FERMT2: variants seen among roughly 807,000 people sequenced by gnomAD.
FERMT2 encodes fermitin family homolog 2.
FERMT2 carries 15 observed loss-of-function variants against 82.7 expected under a neutral mutation model. The observed-to-expected ratio is 0.18, with a 90% CI of 0.12 to 0.28. FERMT2 has a LOEUF of 0.28. FERMT2 is among the 10% of genes least tolerant of loss of function. FERMT2 has a pLI of 1.00. For synonymous variants in FERMT2, 274 were observed against 271.5 expected (o/e 1.01, Z -0.09); for missense variants, 645 against 809.4 (o/e 0.80, Z 2.46).
At chr14:52,938,086 A>G (rs1425938427) in intron 2 of FERMT2, among the ~76,000 whole-genome samples, 2 of 152,230 alleles carry the variant, frequency 1.3e-5, no homozygotes, top group African/African-American at 4.8e-5. Flanking sequence ...AACGTGGCAC[A>G]GGGTCACAAA....
intron 7 of FERMT2, among the ~76,000 whole-genome samples, chr14:52,875,824 C>T (rs758538157): frequency 3.9e-5 from 6 of 152,090 alleles, no homozygotes; most frequent in Non-Finnish European, 8.8e-5. Flanking sequence ...ATTATTATGT[C>T]GAAAGCTAAA....
chr14:52,864,606 T>C lies in FERMT2; in HGVS notation c.1397A>G (p.His466Arg), dbSNP rs1885158827. The change falls in exon 12 of 15, where the codon CAC (histidine) becomes CGC (arginine). Residue 466 changes from histidine (H) to arginine (R), a missense_variant. His to Arg is a conservative substitution (Grantham distance 29). Transcript: ENST00000341590. The part of the protein sequence containing the change: ...LRCDNEKQYA[H>R]WMAACRLASK... The stretch of plus-strand genomic sequence containing the variant: ...GGCTAATCTGCAGGCTGCCATCCAG[T>C]GTGCATACTGTTTTTCCTGGAGAAA... 2 of 1,613,934 alleles carry C rather than the reference T, an allele frequency of 1.2e-6. No homozygotes were observed. Among genetic ancestry groups the C allele is most frequent in the Non-Finnish European group, 8.5e-7 (1 of 1,179,882 alleles).
In FERMT2 at chr14:52,864,806, T is replaced by C. The variant is rs1249110474; in HGVS notation, c.1321A>G (p.Ile441Val). ...TCTGCAACTGGAATCAGGAGTTTAA[T>C]GTTAAATTTTTGGCCTGAAATGTTT... is the stretch of plus-strand genomic sequence containing the variant. ...DVNISGQKFN[I>V]KLLIPVAEGM... is the part of the protein sequence containing the mutation. The change falls in exon 11 of 15, where the codon ATT (isoleucine) becomes GTT (valine). Residue 441 changes from isoleucine (I) to valine (V), a missense_variant. Ile to Val is a conservative substitution (Grantham distance 29). Transcript: ENST00000341590. The C allele has an allele frequency of 4.3e-6, 7 of 1,612,284 alleles. No homozygotes were observed. Among genetic ancestry groups the C allele is most frequent in the Non-Finnish European group, 5.9e-6 (7 of 1,178,374 alleles).
chr14:52,859,475 G>A (rs1884767579), intron 14 of FERMT2, 98 bp downstream of exon 14: 1 of 1,127,650 alleles, frequency 8.9e-7, no homozygotes, highest in Non-Finnish European at 1.2e-6. Context: ...AGAGGTGGTG[G>A]TACAAATAAT....
chr14:52,865,393 A>G (rs1024405589), intron 10 of FERMT2, among the ~76,000 whole-genome samples: 7 of 152,232 alleles, frequency 4.6e-5, no homozygotes, highest in Non-Finnish European at 7.3e-5. Flanking sequence ...AGATAATGGC[A>G]TAACAGCTGG....
At position 52,919,103 on chromosome 14, in the gene FERMT2, A is replaced by G. The variant is rs763161913; in HGVS notation, c.391+20T>C. ...ACATCACATAACTCGTATTTTAAGA[A>G]GAATTTATGTAATACTTACTAAAAG... On this transcript the variant is annotated intron_variant, in intron 3 of 14. Coordinates refer to ENST00000341590, the MANE Select transcript of FERMT2 (RefSeq NM_006832.3). The G allele has an allele frequency of 6.5e-7, 1 of 1,538,166 alleles. No homozygotes were observed. Among genetic ancestry groups the G allele is most frequent in the Non-Finnish European group, 9.0e-7 (1 of 1,114,374 alleles).
intron 4 of FERMT2, among the ~76,000 whole-genome samples, chr14:52,892,954 C>A (rs1887035934): frequency 2.0e-5 from 3 of 152,312 alleles, no homozygotes; most frequent in South Asian, 2.1e-4. Flanking sequence ...ATGAGAGAAA[C>A]TGACACTGGA....
intron 2 of FERMT2, among the ~76,000 whole-genome samples, chr14:52,940,515 C>A (rs1357390356): frequency 1.3e-5 from 2 of 152,150 alleles, no homozygotes; most frequent in Non-Finnish European, 2.9e-5. Context: ...ACCCTTTAAT[C>A]CACAAGAGTA....
rs192921407 is a variant in FERMT2, at chr14:52,887,655, C to T, written c.526+5638G>A. Among the ~76,000 whole-genome samples, 51 of 152,010 alleles carry T rather than the reference C, an allele frequency of 3.4e-4. 1 individual carries two copies. The highest frequency in any genetic ancestry group is 1.1e-3 in the African/African-American group (47 of 41,474). On this transcript the variant is annotated intron_variant, in intron 4 of 14. Coordinates refer to ENST00000341590, the MANE Select transcript of FERMT2 (RefSeq NM_006832.3). Reference sequence around the variant, plus strand: ...CCAGCCTGGGCAACACAGAGAGACCCTGTCTCTTAAAAAAAAAAGAATTGG... The same window carrying T: ...CCAGCCTGGGCAACACAGAGAGACCTTGTCTCTTAAAAAAAAAAGAATTGG...
intron 4 of FERMT2, among the ~76,000 whole-genome samples, chr14:52,889,043 A>T (rs1886773914): frequency 6.6e-6 from 1 of 152,172 alleles, no homozygotes; most frequent in African/African-American, 2.4e-5. Context: ...TGGAAGCGGG[A>T]TGAGCCTGGG....
intron 2 of FERMT2, among the ~76,000 whole-genome samples, chr14:52,937,662 G>A (rs553696442): frequency 1.2e-4 from 18 of 152,266 alleles, no homozygotes; most frequent in South Asian, 6.2e-4. Flanking sequence ...TTGGCTCTCC[G>A]TAAATGTTTG....
intron 2 of FERMT2, chr14:52,928,405 T>A (rs567818569): frequency 6.5e-6 from 1 of 154,068 alleles, no homozygotes; most frequent in East Asian, 1.9e-4. Flanking sequence ...TAATCAAGAG[T>A]TGACTGGAGG....
intron 10 of FERMT2, among the ~76,000 whole-genome samples, chr14:52,868,284 A>G (rs1885412185): frequency 6.7e-6 from 1 of 150,202 alleles, no homozygotes; most frequent in African/African-American, 2.4e-5. Context: ...GGGCTCAAGT[A>G]ATGCTCCCAC....
intron 4 of FERMT2, among the ~76,000 whole-genome samples, 185 bp downstream of exon 4, chr14:52,893,108 T>C (rs919581831): frequency 2.6e-5 from 4 of 152,224 alleles, no homozygotes; most frequent in African/African-American, 9.6e-5. Flanking sequence ...GCGATTCTTC[T>C]GCCTCAGCCT....
chr14:52,950,710 G>A (rs919949272), intron 1 of FERMT2, 133 bp from the exon 2 acceptor site: 2 of 844,960 alleles, frequency 2.4e-6, no homozygotes, highest in East Asian at 2.7e-5. Context: ...AACTCGGGAG[G>A]GCGGCGGCGG....
chr14:52,940,117 T>C, intron 2 of FERMT2, among the ~76,000 whole-genome samples: 1 of 152,328 alleles, frequency 6.6e-6, no homozygotes, highest in Non-Finnish European at 1.5e-5. Flanking sequence ...CTTCCGATTC[T>C]AAAGTAGATG....
intron 2 of FERMT2, among the ~76,000 whole-genome samples, chr14:52,928,720 T>G (rs1318083881): frequency 6.6e-6 from 1 of 152,138 alleles, no homozygotes; most frequent in African/African-American, 2.4e-5. Context: ...CTCCTCCTTC[T>G]CAGTAGACAA....
rs566190439 is a variant in FERMT2 at position 52,893,487 on chromosome 14, G to C, written c.392-60C>G. The C allele has an allele frequency of 1.3e-5, 17 of 1,263,562 alleles. No individual in the cohort carries two copies. In the East Asian group the frequency reaches 3.0e-4, roughly 23 times the overall value. 78.3% of individuals were successfully genotyped at this position (1,263,562 alleles called of 1,614,324 possible). On this transcript the variant is annotated intron_variant, in intron 3 of 14. Coordinates refer to ENST00000341590, the MANE Select transcript of FERMT2 (RefSeq NM_006832.3). The stretch of plus-strand genomic sequence containing the variant: ...GGAAAATTTAAACATTTTACACTTA[G>C]TAAATCTATTGTTTCAAGATAAGAA...
At chr14:52,873,043 G>T in intron 9 of FERMT2, 120 bp from the exon 10 acceptor site, 1 of 926,056 alleles carries the variant, frequency 1.1e-6, no homozygotes, top group Non-Finnish European at 1.7e-6. Context: ...TGCTGAAATT[G>T]ATCCCCCTTG....
Sources: gnomAD v4.1 joint callset for allele counts (sites outside exome capture counted in the v4.1 genomes callset) on GRCh38, gnomAD v4.1.1 for gene constraint, MANE v1.5 for transcripts, NCBI Gene and HGNC (gene_info 2026-07-23, HGNC 2026-07-21) for gene names.